The following ARHGAP15 variants were observed in gnomAD, a reference collection of about 807,000 sequenced individuals.
ARHGAP15 encodes the protein rho GTPase-activating protein 15.
Under a neutral mutation model 63.7 loss-of-function variants are expected in ARHGAP15, and 51 were observed. The ratio of observed to expected loss-of-function variants is 0.80; its 90% CI spans 0.64 to 1.01. The LOEUF is 1.01. ARHGAP15 is among the 50% of genes least tolerant of loss of function. The pLI, the probability that ARHGAP15 is intolerant of heterozygous loss-of-function variation, is 0.00. For synonymous variants in ARHGAP15, 191 were observed against 193.8 expected (o/e 0.99, Z 0.12); for missense variants, 560 against 564.6 (o/e 0.99, Z 0.08).
chr2:143,346,176 T>TCTCACACACACACA (rs1288439476), intron 6 of ARHGAP15, among the ~76,000 whole-genome samples: 5 of 45,540 alleles, frequency 1.1e-4, no homozygotes, highest in East Asian at 7.1e-4. Context: ...ACACACACTC[T>TCTCACACACACACA]CTCTCTCACA....
At chr2:143,447,973 GAC>G (rs1690224173) in intron 8 of ARHGAP15, among the ~76,000 whole-genome samples, 1 of 152,124 alleles carries the variant, frequency 6.6e-6, no homozygotes, top group Non-Finnish European at 1.5e-5. Context: ...GTGATCCCTG[GAC>G]ACACATAGGT....
intron 5 of ARHGAP15, among the ~76,000 whole-genome samples, chr2:143,248,525 C>T (rs546218790): frequency 6.6e-6 from 1 of 152,144 alleles, no homozygotes; most frequent in South Asian, 2.1e-4. Context: ...TAAATCCTGG[C>T]CCCTCCTTTT....
chr2:143,153,837 TTCTTCTTCC>T (rs1218281838), intron 1 of ARHGAP15, among the ~76,000 whole-genome samples: 79 of 72,166 alleles, frequency 1.1e-3, no homozygotes, highest in Middle Eastern at 8.1e-3. Flanking sequence ...CTTCTTCTTC[TTCTTCTTCC>T]TCCTCCTCCT....
intron 12 of ARHGAP15, among the ~76,000 whole-genome samples, chr2:143,657,401 T>C (rs1405672953): frequency 2.0e-5 from 3 of 152,168 alleles, no homozygotes; most frequent in Non-Finnish European, 1.5e-5. Context: ...ACTATGTTTA[T>C]GTGTTTCTGA....
intron 10 of ARHGAP15, among the ~76,000 whole-genome samples, chr2:143,526,291 G>A (rs965021026): frequency 2.0e-5 from 3 of 152,022 alleles, no homozygotes; most frequent in Non-Finnish European, 4.4e-5. Context: ...ATGTGGCTCT[G>A]GTCAAATCAG....
chr2:143,492,831 C>T (rs1380653296), intron 9 of ARHGAP15, among the ~76,000 whole-genome samples: 1 of 151,886 alleles, frequency 6.6e-6, no homozygotes, highest in Non-Finnish European at 1.5e-5. Context: ...CAGAGGCGGG[C>T]AGATCACGAG....
intron 11 of ARHGAP15, among the ~76,000 whole-genome samples, chr2:143,603,118 T>C (rs781329114): frequency 3.9e-5 from 6 of 152,182 alleles, no homozygotes; most frequent in Non-Finnish European, 7.3e-5. Flanking sequence ...CTGCTATATG[T>C]AGTCAATGGG....
chr2:143,744,611 C>T (rs1176732321), intron 13 of ARHGAP15, among the ~76,000 whole-genome samples: 4 of 152,218 alleles, frequency 2.6e-5, no homozygotes, highest in African/African-American at 9.7e-5. Flanking sequence ...TGTATAAACA[C>T]AAAATACAGG....
At chr2:143,552,014 G>A (rs778294922) in intron 10 of ARHGAP15, among the ~76,000 whole-genome samples, 70 of 152,190 alleles carry the variant, frequency 4.6e-4, no homozygotes, top group Admixed American at 1.5e-3. Context: ...AACGTGCAGC[G>A]TTGAGGACAA....
intron 12 of ARHGAP15, among the ~76,000 whole-genome samples, chr2:143,680,021 T>A (rs1340201131): frequency 9.8e-6 from 1 of 101,626 alleles, no homozygotes; most frequent in African/African-American, 4.5e-5. Flanking sequence ...AGTAAATGAT[T>A]AAAAAAAAAA....
At chr2:143,682,465 C>A (rs1683143645) in intron 12 of ARHGAP15, among the ~76,000 whole-genome samples, 1 of 151,940 alleles carries the variant, frequency 6.6e-6, no homozygotes, top group South Asian at 2.1e-4. Context: ...TGTGAAAATG[C>A]AAAAACATGA....
chr2:143,666,311 A>C (rs1040163898), intron 12 of ARHGAP15, among the ~76,000 whole-genome samples: 10 of 151,594 alleles, frequency 6.6e-5, no homozygotes, highest in Admixed American at 6.6e-4. Context: ...AAAAACAAGC[A>C]ATGGGGAAAG....
intron 11 of ARHGAP15, among the ~76,000 whole-genome samples, chr2:143,569,890 T>G (rs1371022548): frequency 6.6e-6 from 1 of 152,158 alleles, no homozygotes; most frequent in Non-Finnish European, 1.5e-5. Flanking sequence ...TCCATATGCC[T>G]TTTAAACCAT....
At chr2:143,279,939 A>G (rs1459589141) in intron 6 of ARHGAP15, among the ~76,000 whole-genome samples, 5 of 152,238 alleles carry the variant, frequency 3.3e-5, no homozygotes, top group African/African-American at 1.2e-4. Flanking sequence ...CCAGTGAGTC[A>G]CTGGATCCAC....
intron 13 of ARHGAP15, among the ~76,000 whole-genome samples, chr2:143,758,651 G>A (rs1222744117): frequency 6.6e-6 from 1 of 152,090 alleles, no homozygotes; most frequent in African/African-American, 2.4e-5. Flanking sequence ...TATTTTTCAT[G>A]TATGGCAGTT....
intron 6 of ARHGAP15, among the ~76,000 whole-genome samples, chr2:143,338,677 T>C (rs548092833): frequency 1.3e-5 from 2 of 152,294 alleles, no homozygotes; most frequent in South Asian, 2.1e-4. Context: ...GCAAACTCTT[T>C]AAGGTAAAAT....
chr2:143,421,171 A>G (rs1005116644), intron 6 of ARHGAP15, among the ~76,000 whole-genome samples: 23 of 152,146 alleles, frequency 1.5e-4, no homozygotes, highest in African/African-American at 5.6e-4. Context: ...TCTTGCTTTA[A>G]GGTATATTTA....
intron 6 of ARHGAP15, among the ~76,000 whole-genome samples, chr2:143,388,138 G>A (rs1687378184): frequency 6.6e-6 from 1 of 151,992 alleles, no homozygotes; most frequent in Non-Finnish European, 1.5e-5. Context: ...TACTTAAAAA[G>A]AAAACTATTT....
intron 9 of ARHGAP15, among the ~76,000 whole-genome samples, chr2:143,513,874 C>T (rs1472332389): frequency 6.6e-6 from 1 of 152,154 alleles, no homozygotes; most frequent in Non-Finnish European, 1.5e-5. Context: ...GGTCCCCATC[C>T]TCCCTCCCCC....
Sources: allele counts gnomAD v4.1 joint callset (sites outside exome capture counted in the v4.1 genomes callset), GRCh38; gene constraint gnomAD v4.1.1; transcripts MANE v1.5; gene names NCBI Gene and HGNC (gene_info 2026-07-23, HGNC 2026-07-21).